AGFG1: variants seen among roughly 807,000 people sequenced by gnomAD.
The protein encoded by AGFG1 is arf-GAP domain and FG repeat-containing protein 1.
A neutral mutation model predicts 60.6 loss-of-function variants in AGFG1; 10 were observed. That is an observed-to-expected ratio of 0.16 (90% CI 0.10 to 0.28). The LOEUF (loss-of-function observed/expected upper bound fraction) is 0.28. Among genes scored for constraint, AGFG1 ranks in the 10% least tolerant of loss-of-function variants. The probability of loss-of-function intolerance (pLI) is 1.00; values close to 1 mark genes in which losing one functional copy is unlikely to be tolerated. For missense variants in AGFG1, 537 were observed against 676.5 expected (o/e 0.79, Z 2.29); for synonymous variants, 247 against 242.9 (o/e 1.02, Z -0.16).
chr2:227,508,542 G>A (rs1219102964), intron 2 of AGFG1: 15 of 457,948 alleles, frequency 3.3e-5, no homozygotes, highest in Non-Finnish European at 6.3e-5. Flanking sequence ...CTATATGTGA[G>A]GTAGGGAGGC....
chr2:227,542,907 T>G (rs1692535000), intron 10 of AGFG1, among the ~76,000 whole-genome samples: 2 of 152,194 alleles, frequency 1.3e-5, no homozygotes, highest in South Asian at 4.1e-4. Flanking sequence ...GTCCAGGAAT[T>G]TATCCATTTC....
intron 10 of AGFG1, among the ~76,000 whole-genome samples, chr2:227,548,636 C>A (rs986846953): frequency 6.6e-6 from 1 of 152,168 alleles, no homozygotes; most frequent in Non-Finnish European, 1.5e-5. Flanking sequence ...CTGTAAAGTG[C>A]TTTAAGATAA....
At position 227,560,280 on chromosome 2, in the gene AGFG1, CT is replaced by C. The variant is rs1693096594; in HGVS notation, c.*5787del. 1 of 151,986 alleles carries C rather than the reference CT, an allele frequency of 6.6e-6. No homozygotes were observed. The highest frequency in any genetic ancestry group is 1.5e-5 in the Non-Finnish European group (1 of 67,948). The allele number at this position is 151,986 out of a possible 1,614,324, so 9.4% of individuals were successfully genotyped here. A position where few individuals can be genotyped will look rare whatever the true frequency, so the allele number is the denominator to read the frequency against. ...AAAATATTGTTATAATGATAATATC[CT>C]TATGCATATATGAAGATTACTCTTG... On this transcript the variant is annotated 3_prime_UTR_variant, in exon 13 of 13. Coordinates refer to ENST00000310078, the MANE Select transcript of AGFG1 (RefSeq NM_004504.5).
In AGFG1 at chr2:227,529,444, G is replaced by A. The variant is rs76885409; in HGVS notation, c.695-1647G>A. On this transcript the variant is annotated intron_variant, in intron 5 of 12. Transcript: ENST00000310078. ...TCACATATGCCAGTCTGGTTCATTAGCATTGTTTTGTAGGGAAACTTTTTC... is the reference window on the plus strand; with the variant it reads ...TCACATATGCCAGTCTGGTTCATTAACATTGTTTTGTAGGGAAACTTTTTC... 4.0e-3 allele frequency among the ~76,000 whole-genome samples: 604 copies of A among 152,240 alleles called. 7 individuals are homozygous for A. Among genetic ancestry groups the A allele is most frequent in the African/African-American group, 0.014 (589 of 41,540 alleles).
rs114569242 is a variant in AGFG1, at chr2:227,518,875, G to A, written c.262-1073G>A. On this transcript the variant is annotated intron_variant, in intron 2 of 12. Transcript: ENST00000310078. ...GTGTTTGTTCAGACCTTTTGCCCCCGCTTTAAACAAGTGTTGGCTGGGCAT... is the reference window on the plus strand; with the variant it reads ...GTGTTTGTTCAGACCTTTTGCCCCCACTTTAAACAAGTGTTGGCTGGGCAT... 3.7e-3 allele frequency among the ~76,000 whole-genome samples: 559 copies of A among 152,232 alleles called. 1 individual carries two copies. The highest frequency in any genetic ancestry group is 0.013 in the African/African-American group (527 of 41,548).
At chr2:227,514,834 C>T (rs1350731856) in intron 2 of AGFG1, among the ~76,000 whole-genome samples, 1 of 152,056 alleles carries the variant, frequency 6.6e-6, no homozygotes, top group Non-Finnish European at 1.5e-5. Context: ...TGTTTTTAGC[C>T]CCTCACCCCC....
At chr2:227,518,628 A>G (rs1258735882) in intron 2 of AGFG1, among the ~76,000 whole-genome samples, 2 of 148,036 alleles carry the variant, frequency 1.4e-5, no homozygotes, top group East Asian at 2.0e-4. Flanking sequence ...GGTTCAAGCC[A>G]TTCTTCTGAC....
At chr2:227,552,761 G>GGAGGCT (rs1692858651) in intron 11 of AGFG1, among the ~76,000 whole-genome samples, 2 of 151,570 alleles carry the variant, frequency 1.3e-5, no homozygotes, top group South Asian at 2.1e-4. Context: ...CAGCACTTTG[G>GGAGGCT]GAGGCTGAAG....
chr2:227,553,000 CAAAAA>C (rs5839220), intron 11 of AGFG1, among the ~76,000 whole-genome samples: 3 of 92,380 alleles, frequency 3.2e-5, no homozygotes, highest in African/African-American at 1.4e-4. Context: ...AATTCCATCT[CAAAAA>C]AAAAAAAAAA....
chr2:227,525,322 T>C (rs1393399508), intron 5 of AGFG1, among the ~76,000 whole-genome samples: 2 of 152,238 alleles, frequency 1.3e-5, no homozygotes, highest in Non-Finnish European at 2.9e-5. Flanking sequence ...TCCTTAAATA[T>C]TGTGTATATC....
chr2:227,517,268 A>G (rs752008100), intron 2 of AGFG1, among the ~76,000 whole-genome samples: 78 of 151,924 alleles, frequency 5.1e-4, no homozygotes, highest in Non-Finnish European at 3.2e-4. Flanking sequence ...CACAAGAAAT[A>G]TATATATAGA....
At chr2:227,484,688 G>GTTTTT (rs745570416) in intron 1 of AGFG1, among the ~76,000 whole-genome samples, 56 of 25,086 alleles carry the variant, frequency 2.2e-3, no homozygotes, top group East Asian at 6.2e-3. Context: ...TTTTTTTTTT[G>GTTTTT]TTTTTTTTTT....
chr2:227,513,596 T>C (rs747776771), intron 2 of AGFG1, among the ~76,000 whole-genome samples: 6 of 152,356 alleles, frequency 3.9e-5, no homozygotes, highest in African/African-American at 1.2e-4. Flanking sequence ...CCCTGGGATA[T>C]AACACTCTCA....
intron 10 of AGFG1, among the ~76,000 whole-genome samples, chr2:227,541,511 G>A (rs1242382732): frequency 6.6e-6 from 1 of 152,168 alleles, no homozygotes; most frequent in Non-Finnish European, 1.5e-5. Context: ...TTGTAGATGT[G>A]TGGTATTATT....
chr2:227,482,728 AT>A (rs1690505732), intron 1 of AGFG1, among the ~76,000 whole-genome samples: 1 of 152,200 alleles, frequency 6.6e-6, no homozygotes, highest in Non-Finnish European at 1.5e-5. Context: ...AATTGAACAA[AT>A]GGTTATTTGC....
chr2:227,529,440 A>G (rs1412683331), intron 5 of AGFG1, among the ~76,000 whole-genome samples: 1 of 152,158 alleles, frequency 6.6e-6, no homozygotes, highest in Non-Finnish European at 1.5e-5. Flanking sequence ...AGTCTGGTTC[A>G]TTAGCATTGT....
chr2:227,485,276 G>C (rs1464324556), intron 1 of AGFG1, among the ~76,000 whole-genome samples: 1 of 134,686 alleles, frequency 7.4e-6, no homozygotes. Context: ...ACAGAGTCTC[G>C]CTCAGGCTAG....
At chr2:227,504,652 A>G (rs1360065921) in intron 2 of AGFG1, among the ~76,000 whole-genome samples, 3 of 152,366 alleles carry the variant, frequency 2.0e-5, no homozygotes, top group African/African-American at 7.2e-5. Flanking sequence ...TTTGGTTCAA[A>G]ATGTTTTCTA....
At chr2:227,521,204 T>G (rs1160525632) in intron 3 of AGFG1, among the ~76,000 whole-genome samples, 1 of 152,184 alleles carries the variant, frequency 6.6e-6, no homozygotes. Flanking sequence ...TAGCTGGGAT[T>G]ACAGGCACCC....
Sources: allele counts gnomAD v4.1 joint callset (sites outside exome capture counted in the v4.1 genomes callset), GRCh38; gene constraint gnomAD v4.1.1; transcripts MANE v1.5; gene names NCBI Gene and HGNC (gene_info 2026-07-23, HGNC 2026-07-21).